The following SULT2B1 variants were observed in gnomAD, a reference collection of about 807,000 sequenced individuals.
The protein encoded by SULT2B1 is sulfotransferase 2B1.
In SULT2B1, 16 loss-of-function variants were observed where a neutral mutation model predicts 33.2. The observed-to-expected ratio is 0.48, with a 90% CI of 0.33 to 0.73. The LOEUF (loss-of-function observed/expected upper bound fraction) is 0.73, where lower values mean the gene tolerates loss of function less well. Ranked by LOEUF, SULT2B1 falls within the 30% of genes least tolerant of loss-of-function variation. The pLI, the probability that SULT2B1 is intolerant of heterozygous loss-of-function variation, is 0.02. For synonymous variants in SULT2B1, 186 were observed against 200.5 expected, an observed-to-expected ratio of 0.93 and a Z score of 0.61; for missense variants, 500 against 506.0, an observed-to-expected ratio of 0.99 and a Z score of 0.11.
At chr19:48,569,373 TATATATATATATATATATATATATATG>T (rs1289550541) in intron 1 of SULT2B1, among the ~76,000 whole-genome samples, 4 of 15,076 alleles carry the variant, frequency 2.7e-4, no homozygotes, top group Non-Finnish European at 4.1e-4. Context: ...CATATATATA[TATATATATATATATATATATATATATG>T]ATAAATTTTA....
chr19:48,581,261 C>G (rs1340077759), intron 2 of SULT2B1, among the ~76,000 whole-genome samples: 1 of 146,916 alleles, frequency 6.8e-6, no homozygotes. Flanking sequence ...TCAGGCTGGT[C>G]TCGAACTCCC....
chr19:48,567,939 C>T (rs1973266338), intron 1 of SULT2B1, among the ~76,000 whole-genome samples: 1 of 151,726 alleles, frequency 6.6e-6, no homozygotes, highest in East Asian at 1.9e-4. Context: ...CGCATCACTG[C>T]ACTCCAGCCT....
At chr19:48,576,806 A>G (rs1222476810) in intron 2 of SULT2B1, among the ~76,000 whole-genome samples, 1 of 150,082 alleles carries the variant, frequency 6.7e-6, no homozygotes, top group Non-Finnish European at 1.5e-5. Context: ...ATGCCTGGCT[A>G]ACTTTTGTGT....
At chr19:48,575,888 C>T (rs1973398250) in intron 1 of SULT2B1, 53 bp from the exon 2 acceptor site, 1 of 1,579,584 alleles carries the variant, frequency 6.3e-7, no homozygotes, top group Non-Finnish European at 8.6e-7. Context: ...CCTGAGAACT[C>T]CAGCACCCAC....
intron 2 of SULT2B1, among the ~76,000 whole-genome samples, chr19:48,577,299 C>T (rs1232164222): frequency 6.8e-6 from 1 of 147,286 alleles, no homozygotes; most frequent in Non-Finnish European, 1.5e-5. Context: ...TCATGATCCA[C>T]CAGCCTTGGC....
rs111432999 is a variant in SULT2B1, at chr19:48,556,228, C to T, written c.71+3905C>T. ...GGGAATGAGAGAATGCAGGCAGACA[C>T]CCACGCCAGGTCCCAGGTCCCTGAT... On this transcript the variant is annotated intron_variant, in intron 1 of 6. Coordinates refer to ENST00000201586, the MANE Select transcript of SULT2B1 (RefSeq NM_177973.2). Among the ~76,000 whole-genome samples the T allele has an allele frequency of 9.1e-3, 1,389 of 152,238 alleles. 20 individuals are homozygous for T. The highest frequency in any genetic ancestry group is 0.031 in the African/African-American group (1,295 of 41,534).
At chr19:48,560,939 G>A (rs191352325) in intron 1 of SULT2B1, among the ~76,000 whole-genome samples, 171 of 152,016 alleles carry the variant, frequency 1.1e-3, no homozygotes, top group African/African-American at 4.0e-3. Flanking sequence ...TCCAGCCTGG[G>A]CAACAAGAGC....
At chr19:48,591,881 C>A in intron 4 of SULT2B1, 146 bp downstream of exon 4, 1 of 729,506 alleles carries the variant, frequency 1.4e-6, no homozygotes, top group Non-Finnish European at 1.8e-6. Flanking sequence ...GAGCAGGTGG[C>A]CAGGAGAAGA....
At position 48,552,344 on chromosome 19, in the gene SULT2B1, G is replaced by T. The variant is rs1202913516; in HGVS notation, c.71+21G>T. The T allele has an allele frequency of 1.2e-6, 2 of 1,613,056 alleles. No individual in the cohort carries two copies. Among genetic ancestry groups the T allele is most frequent in the East Asian group, 4.5e-5 (2 of 44,862 alleles). ...ATCAGGTGAGGCCCAGACCTGGGCA[G>T]GAGCCAGGAGATCCCAGGGAGGAGG... On this transcript the variant is annotated intron_variant, in intron 1 of 6. Coordinates refer to ENST00000201586, the MANE Select transcript of SULT2B1 (RefSeq NM_177973.2). This position sits in a 1 kb window ranked among gnomAD's most constrained non-coding sequence, Gnocchi z 4.8.
At chr19:48,568,034 G>T (rs1973267773) in intron 1 of SULT2B1, among the ~76,000 whole-genome samples, 1 of 152,000 alleles carries the variant, frequency 6.6e-6, no homozygotes, top group Non-Finnish European at 1.5e-5. Flanking sequence ...CACTTTGGGA[G>T]GCCAAGGCAG....
intron 2 of SULT2B1, among the ~76,000 whole-genome samples, chr19:48,586,538 T>C (rs2665581): frequency 0.9 from 136,610 of 152,198 alleles, 61,424 homozygotes; most frequent in Non-Finnish European, 0.91. Flanking sequence ...CCGCCACCTA[T>C]ACTTCCTTGG....
intron 1 of SULT2B1, among the ~76,000 whole-genome samples, chr19:48,561,430 A>AAAAT (rs201088504): frequency 0.26 from 39,686 of 151,048 alleles, 5,963 homozygotes; most frequent in East Asian, 0.4. Flanking sequence ...ACACTGTCTC[A>AAAAT]AAATAAATAA....
chr19:48,580,450 G>T (rs1364805406), intron 2 of SULT2B1, among the ~76,000 whole-genome samples: 1 of 151,728 alleles, frequency 6.6e-6, no homozygotes, highest in African/African-American at 2.4e-5. Context: ...AGTAGAGACG[G>T]GGTTTCACCA....
At position 48,561,204 on chromosome 19, in the gene SULT2B1, C is replaced by A. The variant is rs184762441; in HGVS notation, c.71+8881C>A. On this transcript the variant is annotated intron_variant, in intron 1 of 6. Coordinates refer to ENST00000201586, the MANE Select transcript of SULT2B1 (RefSeq NM_177973.2). ...CAGCATTTTGGGAGGCCGAGACAGGCGGATCACCTGAGGTGGGGAGTTCCA... is the reference window on the plus strand; with the variant it reads ...CAGCATTTTGGGAGGCCGAGACAGGAGGATCACCTGAGGTGGGGAGTTCCA... Among the ~76,000 whole-genome samples, 619 of 151,356 alleles carry A rather than the reference C, an allele frequency of 4.1e-3. 2 individuals carry two copies. The highest frequency in any genetic ancestry group is 6.6e-3 in the Non-Finnish European group (446 of 67,884).
intron 2 of SULT2B1, among the ~76,000 whole-genome samples, chr19:48,582,654 A>G (rs10420304): frequency 1.3e-5 from 2 of 151,282 alleles, no homozygotes; most frequent in South Asian, 2.1e-4. Context: ...AGGAGACCAG[A>G]CTGGCCTACA....
chr19:48,593,660 G>A (rs926494489), intron 5 of SULT2B1, among the ~76,000 whole-genome samples: 5 of 151,444 alleles, frequency 3.3e-5, no homozygotes, highest in Non-Finnish European at 5.9e-5. Flanking sequence ...TTGAGACAGA[G>A]TTTCGCTCTT....
At chr19:48,597,142 A>G (rs1222852541) in intron 6 of SULT2B1, among the ~76,000 whole-genome samples, 1 of 152,096 alleles carries the variant, frequency 6.6e-6, no homozygotes, top group Non-Finnish European at 1.5e-5. Flanking sequence ...CAACGACAGC[A>G]AAACATCCAG....
intron 5 of SULT2B1, among the ~76,000 whole-genome samples, chr19:48,594,359 C>T (rs1973683148): frequency 6.6e-6 from 1 of 152,178 alleles, no homozygotes; most frequent in Non-Finnish European, 1.5e-5. Flanking sequence ...AGGTTTGTAA[C>T]TTAAGAGAGG....
chr19:48,575,100 C>CTTTTTT (rs66515808), intron 1 of SULT2B1, among the ~76,000 whole-genome samples: 4 of 81,430 alleles, frequency 4.9e-5, no homozygotes, highest in Non-Finnish European at 6.6e-5. Flanking sequence ...CTGTTTTAAC[C>CTTTTTT]TTTTTTTTTT....
Sources: gnomAD v4.1 joint callset for allele counts (sites outside exome capture counted in the v4.1 genomes callset) on GRCh38, gnomAD v4.1.1 for gene constraint, Gnocchi (gnomAD v3.1) non-coding constraint, MANE v1.5 for transcripts, NCBI Gene and HGNC (gene_info 2026-07-23, HGNC 2026-07-21) for gene names.